HNRNPR: variants seen among roughly 807,000 people sequenced by gnomAD.
The protein encoded by HNRNPR is heterogeneous nuclear ribonucleoprotein R.
Under a neutral mutation model 70.3 loss-of-function variants are expected in HNRNPR, and 4 were observed. That is an observed-to-expected ratio of 0.06 (90% CI 0.03 to 0.13). HNRNPR has a LOEUF of 0.13. Among genes scored for constraint, HNRNPR ranks in the 10% least tolerant of loss-of-function variants. The pLI is 1.00. For synonymous variants in HNRNPR, 241 were observed against 267.6 expected (o/e 0.90, Z 0.97); for missense variants, 423 against 788.5 (o/e 0.54, Z 5.55).
intron 1 of HNRNPR, among the ~76,000 whole-genome samples, chr1:23,341,579 C>A (rs547072768): frequency 6.6e-5 from 10 of 152,024 alleles, no homozygotes; most frequent in African/African-American, 1.4e-4. Flanking sequence ...CAAAAAAAAA[C>A]CAACTTGACA....
At chr1:23,337,654 C>CAAA in intron 4 of HNRNPR, 100 bp downstream of exon 4, 65 of 623,608 alleles carry the variant, frequency 1.0e-4, no homozygotes, top group East Asian at 1.2e-4. Flanking sequence ...GACTCCGTCT[C>CAAA]AAAAAAAAAA....
Position 23,310,715 on chromosome 1 carries a change from C to T in HNRNPR, c.1641G>A (p.Gly547=). The change falls in exon 11 of 11, where the codon GGG becomes GGA. Residue 547 remains glycine, a synonymous_variant. Coordinates refer to ENST00000302271, the MANE Select transcript of HNRNPR (RefSeq NM_005826.5). The surrounding 1 kb of genome is among the most constrained non-coding windows in gnomAD (Gnocchi z 6.0). ...GGCCTCTCTGCTGTTGAGCAGGACC[C>T]CCTCTGCCACCCCTAGAGCCTCTTG... ...GPPRGSRGGR[G]GPAQQQRGRG... 1 of 1,613,744 alleles carries T rather than the reference C, an allele frequency of 6.2e-7. No homozygotes were observed. Among genetic ancestry groups the T allele is most frequent in the Non-Finnish European group, 8.5e-7 (1 of 1,179,806 alleles).
intron 1 of HNRNPR, among the ~76,000 whole-genome samples, chr1:23,343,653 A>C (rs945603971): frequency 1.6e-4 from 24 of 152,162 alleles, no homozygotes; most frequent in African/African-American, 5.3e-4. Context: ...CGGCATGCAG[A>C]ATGTGGGAGG....
At chr1:23,312,739 T>C (rs1645382707) in intron 9 of HNRNPR, among the ~76,000 whole-genome samples, 1 of 152,276 alleles carries the variant, frequency 6.6e-6, no homozygotes, top group African/African-American at 2.4e-5. Context: ...ATGCTCAGAT[T>C]AGAGATGGCA....
intron 5 of HNRNPR, among the ~76,000 whole-genome samples, chr1:23,324,395 C>T (rs977164922): frequency 2.6e-5 from 4 of 151,300 alleles, no homozygotes; most frequent in African/African-American, 9.7e-5. Flanking sequence ...GGTGAAACCC[C>T]GTCTCCACTA....
intron 8 of HNRNPR, among the ~76,000 whole-genome samples, chr1:23,314,602 C>A (rs945954197): frequency 2.6e-5 from 4 of 152,106 alleles, no homozygotes; most frequent in African/African-American, 7.2e-5. Flanking sequence ...AAGTTCAAAC[C>A]ATTCATAGTA....
Position 23,316,665 on chromosome 1 carries a change from C to T in HNRNPR, c.1017+1818G>A, listed in dbSNP as rs978236351. ...TATACTTAGTTACTACAGGTAGATT[C>T]AAAGTTGTGGTGGATCTTAGAGATT... is the stretch of plus-strand genomic sequence containing the variant. On this transcript the variant is annotated intron_variant, in intron 8 of 10. Transcript: ENST00000302271. Among the ~76,000 whole-genome samples, 6 of 151,990 alleles carry T rather than the reference C, an allele frequency of 3.9e-5. No individual in the cohort carries two copies. In the South Asian group the frequency reaches 1.0e-3, roughly 26 times the overall value.
In HNRNPR at chr1:23,315,231, G is replaced by A. The variant is rs533326301; in HGVS notation, c.1018-1529C>T. Reference sequence around the variant, plus strand: ...GGAGGCAGAGGCTGCAGTGAGCCAAGATTACACCACTGCACTCCAGCCTGG... The same window carrying A: ...GGAGGCAGAGGCTGCAGTGAGCCAAAATTACACCACTGCACTCCAGCCTGG... On this transcript the variant is annotated intron_variant, in intron 8 of 10. Coordinates refer to ENST00000302271, the MANE Select transcript of HNRNPR (RefSeq NM_005826.5). Among the ~76,000 whole-genome samples the A allele has an allele frequency of 5.8e-3, 784 of 135,024 alleles. 6 individuals are homozygous for A. Among genetic ancestry groups the A allele is most frequent in the African/African-American group, 0.021 (709 of 33,730 alleles). The allele number at this position is 135,024 out of a possible 152,430, so 88.6% of individuals were successfully genotyped here.
intron 4 of HNRNPR, among the ~76,000 whole-genome samples, chr1:23,336,571 CAAAAAAAAAAAAAAA>C (rs869203047): frequency 3.2e-4 from 13 of 41,182 alleles, no homozygotes; most frequent in African/African-American, 1.0e-3. Context: ...GACTCCGTCT[CAAAAAAAAAAAAAAA>C]AAAAAAAAAA....
At chr1:23,333,379 C>A (rs576351142) in intron 5 of HNRNPR, 139 bp downstream of exon 5, 1 of 574,908 alleles carries the variant, frequency 1.7e-6, no homozygotes. Flanking sequence ...CAGCAAAATA[C>A]AAATGGATAT....
intron 1 of HNRNPR, among the ~76,000 whole-genome samples, chr1:23,341,232 G>A (rs1168398215): frequency 6.6e-6 from 1 of 152,056 alleles, no homozygotes; most frequent in Non-Finnish European, 1.5e-5. Flanking sequence ...GATCTTTAAG[G>A]AACTTCATGT....
chr1:23,329,292 A>G (rs1646124003), intron 5 of HNRNPR, among the ~76,000 whole-genome samples: 1 of 152,242 alleles, frequency 6.6e-6, no homozygotes, highest in African/African-American at 2.4e-5. Flanking sequence ...CCTAAAAAGA[A>G]TTTAAAAGGC....
At position 23,313,000 on chromosome 1, in the gene HNRNPR, C is replaced by T. The variant is rs551507492; in HGVS notation, c.1167+553G>A. On this transcript the variant is annotated intron_variant, in intron 9 of 10. Coordinates refer to ENST00000302271, the MANE Select transcript of HNRNPR (RefSeq NM_005826.5). ...ATGAAAATACTTTCTTCAAACTTTT[C>T]ATTATCATCAAAGACTAAATCAACT... Among the ~76,000 whole-genome samples, 11 of 152,254 alleles carry T rather than the reference C, an allele frequency of 7.2e-5. No individual in the cohort carries two copies. In the East Asian group the frequency reaches 2.1e-3, roughly 29 times the overall value.
chr1:23,328,295 C>T (rs1646076406), intron 5 of HNRNPR, among the ~76,000 whole-genome samples: 1 of 152,002 alleles, frequency 6.6e-6, no homozygotes, highest in Non-Finnish European at 1.5e-5. Flanking sequence ...TACATTTCAG[C>T]GATTGGGTAG....
rs1194738652 is a variant in HNRNPR, at chr1:23,337,741, A to C, written c.384+13T>G. ...AATGCAATTTCATTACAACTACCCA[A>C]GTCAAGTTTTACCTTGATCTTCGCT... On this transcript the variant is annotated intron_variant, in intron 4 of 10. Coordinates refer to ENST00000302271, the MANE Select transcript of HNRNPR (RefSeq NM_005826.5). 2 of 1,500,424 alleles carry C rather than the reference A, an allele frequency of 1.3e-6. No homozygotes were observed. The highest frequency in any genetic ancestry group is 1.8e-6 in the Non-Finnish European group (2 of 1,083,320). 92.9% of individuals were successfully genotyped at this position (1,500,424 alleles called of 1,614,324 possible). A position where few individuals can be genotyped will look rare whatever the true frequency, so the allele number is the denominator to read the frequency against.
chr1:23,343,183 A>T (rs573574963), intron 1 of HNRNPR, among the ~76,000 whole-genome samples: 1 of 152,282 alleles, frequency 6.6e-6, no homozygotes, highest in Admixed American at 6.5e-5. Context: ...ATTTGATCTA[A>T]ACATTTTTGC....
At chr1:23,319,610 A>G (rs1459007279) in intron 7 of HNRNPR, among the ~76,000 whole-genome samples, 1 of 152,190 alleles carries the variant, frequency 6.6e-6, no homozygotes, top group Non-Finnish European at 1.5e-5. Context: ...CTATCCACAG[A>G]GCGCTAGGAA....
chr1:23,326,280 CAA>C (rs904757785), intron 5 of HNRNPR, among the ~76,000 whole-genome samples: 3 of 151,876 alleles, frequency 2.0e-5, no homozygotes, highest in African/African-American at 7.3e-5. Flanking sequence ...GAAGTAGAAA[CAA>C]GACATCTATG....
intron 1 of HNRNPR, among the ~76,000 whole-genome samples, chr1:23,342,948 T>C (rs575862879): frequency 6.6e-5 from 10 of 152,332 alleles, no homozygotes; most frequent in African/African-American, 2.4e-4. Context: ...AAAAAGTTTG[T>C]AAATTTTAAC....
Sources: allele counts gnomAD v4.1 joint callset (sites outside exome capture counted in the v4.1 genomes callset), GRCh38; gene constraint gnomAD v4.1.1; non-coding constraint Gnocchi (gnomAD v3.1); transcripts MANE v1.5; gene names NCBI Gene and HGNC (gene_info 2026-07-23, HGNC 2026-07-21).